OPCML: variants seen among roughly 807,000 people sequenced by gnomAD.
OPCML encodes the protein opioid-binding protein/cell adhesion molecule.
Under a neutral mutation model 37.8 loss-of-function variants are expected in OPCML, and 13 were observed. That is an observed-to-expected ratio of 0.34 (90% CI 0.22 to 0.55). The LOEUF is 0.55. OPCML is among the 20% of genes least tolerant of loss of function. The probability of loss-of-function intolerance (pLI) is 0.91; values close to 1 mark genes in which losing one functional copy is unlikely to be tolerated. For missense variants in OPCML, 341 were observed against 435.6 expected (o/e 0.78, Z 1.93); for synonymous variants, 176 against 168.8 (o/e 1.04, Z -0.33).
chr11:133,183,543 C>CA (rs752158056), intron 1 of OPCML, among the ~76,000 whole-genome samples: 24 of 152,246 alleles, frequency 1.6e-4, no homozygotes, highest in Admixed American at 6.5e-5. Context: ...ACCATCCCTT[C>CA]AAAAAACCTC....
Position 132,427,493 on chromosome 11 carries a change from C to T in OPCML, c.917-7200G>A, listed in dbSNP as rs143230932. 4.5e-4 allele frequency among the ~76,000 whole-genome samples: 68 copies of T among 152,306 alleles called. No homozygotes were observed. The East Asian group carries it at 5.6e-3, about 13-fold the overall frequency. ...TTTAATTACAGCGGCAAACGTGGCGCTGTGTTGTTTCACAAGTAAGATCAA... is the reference window on the plus strand; with the variant it reads ...TTTAATTACAGCGGCAAACGTGGCGTTGTGTTGTTTCACAAGTAAGATCAA... On this transcript the variant is annotated intron_variant, in intron 7 of 7. Transcript: ENST00000524381.
chr11:132,486,053 C>T (rs1308680104), intron 4 of OPCML, among the ~76,000 whole-genome samples: 2 of 152,180 alleles, frequency 1.3e-5, no homozygotes, highest in Non-Finnish European at 2.9e-5. Flanking sequence ...TTTGTCAACA[C>T]TTAGTATTGT....
At chr11:133,246,397 G>A (rs1359992733) in intron 1 of OPCML, among the ~76,000 whole-genome samples, 1 of 152,214 alleles carries the variant, frequency 6.6e-6, no homozygotes, top group African/African-American at 2.4e-5. Context: ...AGGAGAGCAT[G>A]TAACACATGT....
intron 1 of OPCML, among the ~76,000 whole-genome samples, chr11:133,322,692 G>T (rs144305628): frequency 2.0e-5 from 3 of 152,092 alleles, no homozygotes. Flanking sequence ...TGTTAAAACT[G>T]ACAATATAGG....
chr11:132,713,941 G>A (rs191108882), intron 2 of OPCML, among the ~76,000 whole-genome samples: 1 of 152,266 alleles, frequency 6.6e-6, no homozygotes, highest in East Asian at 1.9e-4. Flanking sequence ...TATCATTAAA[G>A]TGTTATTCAT....
At chr11:132,813,165 A>G (rs1939444004) in intron 2 of OPCML, among the ~76,000 whole-genome samples, 2 of 152,134 alleles carry the variant, frequency 1.3e-5, no homozygotes, top group Non-Finnish European at 2.9e-5. Context: ...AGATAACTTT[A>G]TATTTTGATG....
intron 1 of OPCML, among the ~76,000 whole-genome samples, chr11:133,395,609 C>T (rs1945268825): frequency 6.6e-6 from 1 of 152,090 alleles, no homozygotes; most frequent in South Asian, 2.1e-4. Context: ...TATGGATATC[C>T]AGTTTTCCCA....
chr11:132,858,266 C>T (rs901240496), intron 2 of OPCML, among the ~76,000 whole-genome samples: 1 of 152,198 alleles, frequency 6.6e-6, no homozygotes, highest in African/African-American at 2.4e-5. Context: ...GCTCTGCTTC[C>T]TCTGATGGCT....
At chr11:132,436,360 G>A (rs2096013056) in intron 6 of OPCML, 123 bp from the exon 7 acceptor site, 1 of 1,567,790 alleles carries the variant, frequency 6.4e-7, no homozygotes, top group Non-Finnish European at 8.6e-7. Flanking sequence ...GTGTCCAACA[G>A]GAGGAGAAGG....
chr11:132,831,704 C>T lies in OPCML; in HGVS notation c.146+111222G>A, dbSNP rs138883440. 1.1e-4 allele frequency among the ~76,000 whole-genome samples: 16 copies of T among 147,956 alleles called. No individual in the cohort carries two copies. In the East Asian group the frequency reaches 1.9e-3, roughly 18 times the overall value. On this transcript the variant is annotated intron_variant, in intron 2 of 7. Coordinates refer to ENST00000524381, the MANE Select transcript of OPCML (RefSeq NM_001012393.5). ...CTCCCTCTCCCCCATTCAGCATCCC[C>T]CAACACAACTCTTCCCCCTTTTCTT...
intron 1 of OPCML, among the ~76,000 whole-genome samples, chr11:133,042,954 C>T (rs1022735359): frequency 1.3e-5 from 2 of 152,032 alleles, no homozygotes; most frequent in African/African-American, 4.8e-5. Flanking sequence ...AAAAGGGTCT[C>T]TCACGTACAG....
At chr11:133,249,589 G>A (rs1344388411) in intron 1 of OPCML, among the ~76,000 whole-genome samples, 2 of 152,120 alleles carry the variant, frequency 1.3e-5, no homozygotes, top group Non-Finnish European at 2.9e-5. Context: ...CGACAGGGTT[G>A]AGACACCAAG....
At chr11:132,550,463 C>T (rs1363480883) in intron 3 of OPCML, among the ~76,000 whole-genome samples, 5 of 152,130 alleles carry the variant, frequency 3.3e-5, no homozygotes, top group Non-Finnish European at 5.9e-5. Context: ...GTGAAGTGCT[C>T]GGGCTTTGCC....
intron 1 of OPCML, among the ~76,000 whole-genome samples, chr11:133,091,506 T>C (rs2137052729): frequency 6.6e-6 from 1 of 152,330 alleles, no homozygotes; most frequent in East Asian, 1.9e-4. Flanking sequence ...TGAGGCTTCC[T>C]GAGGCCATGG....
intron 1 of OPCML, among the ~76,000 whole-genome samples, chr11:133,353,522 T>A (rs1944191390): frequency 6.6e-6 from 1 of 152,124 alleles, no homozygotes; most frequent in Non-Finnish European, 1.5e-5. Flanking sequence ...CTTGACTGCA[T>A]ATTTTAAGTG....
At chr11:132,861,591 G>A (rs1591716648) in intron 2 of OPCML, among the ~76,000 whole-genome samples, 1 of 152,094 alleles carries the variant, frequency 6.6e-6, no homozygotes, top group Non-Finnish European at 1.5e-5. Context: ...AATCCCAGCA[G>A]TTTGGGAGGC....
chr11:133,249,634 T>C (rs1941061711), intron 1 of OPCML, among the ~76,000 whole-genome samples: 1 of 152,150 alleles, frequency 6.6e-6, no homozygotes, highest in African/African-American at 2.4e-5. Flanking sequence ...GTGATGCCAC[T>C]ACCCATTTCT....
rs2095937297 is a variant in OPCML at position 132,415,997 on chromosome 11, A to G, written c.*4196T>C. ...AAGTGCTCAAACTTATTTGTCTTCA[A>G]GTAAAAAGACAGGGAAGCTCTGAAT... On this transcript the variant is annotated 3_prime_UTR_variant, in exon 8 of 8. Transcript: ENST00000524381. 1 of 152,654 alleles carries G rather than the reference A, an allele frequency of 6.6e-6. No individual in the cohort carries two copies. The highest frequency in any genetic ancestry group is 1.9e-4 in the East Asian group (1 of 5,186). 9.5% of individuals were successfully genotyped at this position (152,654 alleles called of 1,614,324 possible). A position where few individuals can be genotyped will look rare whatever the true frequency, so the allele number is the denominator to read the frequency against.
chr11:133,522,759 A>T (rs1948418865), intron 1 of OPCML, among the ~76,000 whole-genome samples: 1 of 152,210 alleles, frequency 6.6e-6, no homozygotes, highest in African/African-American at 2.4e-5. Flanking sequence ...CAGGTAAGAC[A>T]CTCAGATGCC....
Sources: gnomAD v4.1 joint callset for allele counts (sites outside exome capture counted in the v4.1 genomes callset) on GRCh38, gnomAD v4.1.1 for gene constraint, MANE v1.5 for transcripts, NCBI Gene and HGNC (gene_info 2026-07-23, HGNC 2026-07-21) for gene names.